Variants in BORCS5 observed in about 807,000 individuals in gnomAD.
The protein encoded by BORCS5 is BLOC-1 related complex subunit 5.
In BORCS5, 17 loss-of-function variants were observed where a neutral mutation model predicts 22.1. That is an observed-to-expected ratio of 0.77 (90% confidence interval 0.53 to 1.15). BORCS5 has a LOEUF of 1.15. Among genes scored for constraint, BORCS5 ranks in the 50% most tolerant of loss-of-function variants. BORCS5 has a pLI of 0.00. For missense variants in BORCS5, 247 were observed against 253.2 expected (o/e 0.98, Z 0.17); for synonymous variants, 117 against 99.8 (o/e 1.17, Z -1.03).
At chr12:12,449,118 G>A (rs1942852774) in intron 3 of BORCS5, among the ~76,000 whole-genome samples, 1 of 152,194 alleles carries the variant, frequency 6.6e-6, no homozygotes, top group African/African-American at 2.4e-5. Flanking sequence ...TCAGAGGACT[G>A]TGGTGGTACA....
At chr12:12,442,797 A>T (rs1942711077) in intron 3 of BORCS5, among the ~76,000 whole-genome samples, 1 of 151,918 alleles carries the variant, frequency 6.6e-6, no homozygotes, top group South Asian at 2.1e-4. Context: ...TCCTTTTTTT[A>T]CATGGTAGGT....
At chr12:12,358,688 A>G (rs1202601800) in intron 1 of BORCS5, among the ~76,000 whole-genome samples, 1 of 152,200 alleles carries the variant, frequency 6.6e-6, no homozygotes, top group Non-Finnish European at 1.5e-5. Context: ...CTTTACATAC[A>G]TTTACATATA....
In BORCS5 at chr12:12,465,886, C is replaced by T. The variant is rs981227956; in HGVS notation, c.*110C>T. On this transcript the variant is annotated 3_prime_UTR_variant, in exon 4 of 4. Transcript: ENST00000314565. ...GGTCTGGAGGCTGGCGGGAGGCTCC[C>T]TGAAAGTGGGTGCGAAGGAGTCCGG... The T allele has an allele frequency of 5.9e-5, 53 of 901,478 alleles. No individual in the cohort carries two copies. In the African/African-American group the frequency reaches 8.4e-4, roughly 14 times the overall value. 55.8% of individuals were successfully genotyped at this position (901,478 alleles called of 1,614,324 possible).
chr12:12,403,857 A>G (rs1296230583), intron 2 of BORCS5, among the ~76,000 whole-genome samples: 1 of 152,132 alleles, frequency 6.6e-6, no homozygotes, highest in Non-Finnish European at 1.5e-5. Flanking sequence ...AGATCAATCA[A>G]GCTTTGACTT....
intron 3 of BORCS5, among the ~76,000 whole-genome samples, chr12:12,453,453 G>A (rs904200409): frequency 6.6e-6 from 1 of 152,076 alleles, no homozygotes; most frequent in Non-Finnish European, 1.5e-5. Flanking sequence ...GTTTTACTTA[G>A]CCTCAACAAT....
At position 12,422,236 on chromosome 12, in the gene BORCS5, C is replaced by T. The variant is rs138260160; in HGVS notation, c.203-13392C>T. On this transcript the variant is annotated intron_variant, in intron 2 of 3. Transcript: ENST00000314565. ...ATGAGGATTATATTTAAGATCCTAACGTGGTAACACAATAATTTGAATTTA... is the reference window on the plus strand; with the variant it reads ...ATGAGGATTATATTTAAGATCCTAATGTGGTAACACAATAATTTGAATTTA... Among the ~76,000 whole-genome samples, 277 of 152,086 alleles carry T rather than the reference C, an allele frequency of 1.8e-3. 1 individual carries two copies. Among genetic ancestry groups the T allele is most frequent in the African/African-American group, 6.2e-3 (258 of 41,522 alleles).
chr12:12,391,177 G>A (rs56058261), intron 2 of BORCS5, among the ~76,000 whole-genome samples: 1,625 of 152,044 alleles, frequency 0.011, 17 homozygotes, highest in Non-Finnish European at 0.018. Context: ...GATACTGCAA[G>A]GTTCTGACCT....
chr12:12,448,771 C>G (rs954335747), intron 3 of BORCS5, among the ~76,000 whole-genome samples: 2 of 152,140 alleles, frequency 1.3e-5, no homozygotes, highest in African/African-American at 4.8e-5. Context: ...TAGTGATCCT[C>G]CCGCCTCAGA....
At chr12:12,462,139 C>G (rs113612570) in intron 3 of BORCS5, among the ~76,000 whole-genome samples, 2 of 152,198 alleles carry the variant, frequency 1.3e-5, no homozygotes, top group Non-Finnish European at 2.9e-5. Context: ...TGATGCTACT[C>G]AATAACTGTC....
rs558433462 is a variant in BORCS5, at chr12:12,435,741, G to A, written c.316G>A (p.Ala106Thr). The A allele has an allele frequency of 4.3e-6, 7 of 1,614,050 alleles. No individual in the cohort carries two copies. The East Asian group carries it at 1.6e-4, about 36-fold the overall frequency. The change falls in exon 3 of 4, where the codon GCC becomes ACC. Residue 106 changes from alanine (A) to threonine (T), a missense_variant. Coordinates refer to ENST00000314565, the MANE Select transcript of BORCS5 (RefSeq NM_058169.6). ...YQDHLHQCAE[A>T]VAFDQNALVK... ...AGATCACCTGCATCAGTGTGCAGAGGCCGTTGCTTTTGACCAGAATGCTTT... is the reference window on the plus strand; with the variant it reads ...AGATCACCTGCATCAGTGTGCAGAGACCGTTGCTTTTGACCAGAATGCTTT...
At chr12:12,418,907 A>G (rs1481257980) in intron 2 of BORCS5, among the ~76,000 whole-genome samples, 2 of 152,056 alleles carry the variant, frequency 1.3e-5, no homozygotes, top group South Asian at 2.1e-4. Context: ...TCATTTTGCT[A>G]TTAGTTTTCT....
chr12:12,380,012 T>C (rs910906339), intron 2 of BORCS5, among the ~76,000 whole-genome samples: 3 of 151,296 alleles, frequency 2.0e-5, no homozygotes, highest in African/African-American at 4.9e-5. Flanking sequence ...TTCAATATTA[T>C]TGTATTTCAG....
At chr12:12,358,170 T>G (rs1863189764) in intron 1 of BORCS5, among the ~76,000 whole-genome samples, 1 of 152,224 alleles carries the variant, frequency 6.6e-6, no homozygotes, top group South Asian at 2.1e-4. Context: ...CAGCTGATGT[T>G]TAATTGAGGA....
At chr12:12,406,584 A>T (rs1161918949) in intron 2 of BORCS5, among the ~76,000 whole-genome samples, 1 of 152,066 alleles carries the variant, frequency 6.6e-6, no homozygotes, top group African/African-American at 2.4e-5. Context: ...ATTTATTTTC[A>T]TTTAAAGTGG....
intron 2 of BORCS5, among the ~76,000 whole-genome samples, chr12:12,423,095 G>A (rs895823019): frequency 5.3e-5 from 8 of 151,672 alleles, no homozygotes; most frequent in African/African-American, 9.7e-5. Flanking sequence ...TCCGCCTCCC[G>A]GCTTCACGCC....
intron 2 of BORCS5, among the ~76,000 whole-genome samples, chr12:12,410,460 C>T (rs1279056205): frequency 6.6e-6 from 1 of 152,144 alleles, no homozygotes; most frequent in Admixed American, 6.5e-5. Flanking sequence ...GCTAGTTTTC[C>T]CAGCACCATT....
intron 2 of BORCS5, among the ~76,000 whole-genome samples, chr12:12,409,433 T>G (rs1355086347): frequency 6.7e-6 from 1 of 149,534 alleles, no homozygotes; most frequent in Non-Finnish European, 1.5e-5. Context: ...CATGAACACA[T>G]GGACACTTAT....
intron 2 of BORCS5, among the ~76,000 whole-genome samples, chr12:12,375,536 C>G (rs1863629985): frequency 6.6e-6 from 1 of 152,208 alleles, no homozygotes; most frequent in African/African-American, 2.4e-5. Flanking sequence ...GGGAAGCTCT[C>G]TTGATTCCAG....
chr12:12,384,918 T>G (rs1863849469), intron 2 of BORCS5, among the ~76,000 whole-genome samples: 1 of 151,160 alleles, frequency 6.6e-6, no homozygotes, highest in Admixed American at 6.6e-5. Context: ...TGCTTGCTTT[T>G]TAAACTTGCT....
Sources: gnomAD v4.1 joint callset for allele counts (sites outside exome capture counted in the v4.1 genomes callset) on GRCh38, gnomAD v4.1.1 for gene constraint, MANE v1.5 for transcripts, NCBI Gene and HGNC (gene_info 2026-07-23, HGNC 2026-07-21) for gene names.